The following ESPN variants were observed in gnomAD, a reference collection of about 807,000 sequenced individuals.
ESPN encodes autosomal recessive deafness type 36 protein.
ESPN carries 68 observed loss-of-function variants against 77.7 expected under a neutral mutation model. That is an observed-to-expected ratio of 0.87 (90% CI 0.72 to 1.07). ESPN has a LOEUF of 1.07. ESPN is among the 50% of genes least tolerant of loss of function. The pLI, the probability that ESPN is intolerant of heterozygous loss-of-function variation, is 0.00. For missense variants in ESPN, 1,060 were observed against 1,239.0 expected (o/e 0.86, Z 2.17); for synonymous variants, 449 against 567.1 (o/e 0.79, Z 2.96).
chr1:6,452,604 G>C (rs1344896987), intron 10 of ESPN, among the ~76,000 whole-genome samples: 2 of 152,166 alleles, frequency 1.3e-5, no homozygotes, highest in East Asian at 3.9e-4. Flanking sequence ...TGGTTAAAAG[G>C]CCTGTTCGGA....
chr1:6,454,830 CA>C, intron 10 of ESPN: 1 of 396,202 alleles, frequency 2.5e-6, no homozygotes, highest in Non-Finnish European at 4.5e-6. Flanking sequence ...TGACACGGGC[CA>C]GCCGCTGGCG....
At chr1:6,453,488 C>G (rs1057040326) in intron 10 of ESPN, among the ~76,000 whole-genome samples, 1 of 152,132 alleles carries the variant, frequency 6.6e-6, no homozygotes, top group East Asian at 1.9e-4. Flanking sequence ...ACTTGGAAGA[C>G]GAGTGAGGGG....
rs1238535812 is a variant in ESPN at position 6,451,854 on chromosome 1, G to C, written c.2083G>C (p.Val695Leu). ...GCAGCCCGATTCGCCGCTGCCTTCT[G>C]TGTCACCTGCACTGTCACCAGTCCG... ...AFQPDSPLPS[V>L]SPALSPVRSP... The change falls in exon 10 of 13, where the codon GTG becomes CTG. Residue 695 changes from valine to leucine, a missense_variant. Val to Leu is a conservative substitution (Grantham distance 32, BLOSUM62 1). Around this residue, in one of 3 missense-constraint regions of ESPN, gnomAD observed 374 missense variants for 381.4 expected, o/e 0.98. Transcript: ENST00000645284. The surrounding 1 kb of genome is among the most constrained non-coding windows in gnomAD (Gnocchi z 4.3). 3 of 1,611,734 alleles carry C rather than the reference G, an allele frequency of 1.9e-6. No homozygotes were observed. The highest frequency in any genetic ancestry group is 2.5e-6 in the Non-Finnish European group (3 of 1,179,362).
At chr1:6,429,603 CT>C (rs1461931195) in intron 2 of ESPN, among the ~76,000 whole-genome samples, 6 of 152,224 alleles carry the variant, frequency 3.9e-5, no homozygotes, top group Non-Finnish European at 7.3e-5. Flanking sequence ...GCAGGTGCCC[CT>C]GATGGCGGGA....
intron 10 of ESPN, chr1:6,456,053 C>T (rs751010685): frequency 5.0e-6 from 2 of 396,744 alleles, no homozygotes; most frequent in African/African-American, 4.1e-5. Flanking sequence ...CGACCTCAGA[C>T]TCTCCTGGTT....
rs1175435053 is a variant in ESPN, at chr1:6,450,483, G to A, written c.1916-1120G>A. ...AGGCACAGGAAGAGTGAGTAGCTGC[G>A]TGCGCGGCTCCTGGCTGAGGCTGAG... On this transcript the variant is annotated intron_variant, in intron 8 of 12. Coordinates refer to ENST00000645284, the MANE Select transcript of ESPN (RefSeq NM_031475.3). This position sits in a 1 kb window ranked among gnomAD's most constrained non-coding sequence, Gnocchi z 4.3. 3.7e-5 allele frequency: 36 copies of A among 976,104 alleles called. No individual in the cohort carries two copies. Among genetic ancestry groups the A allele is most frequent in the Non-Finnish European group, 4.3e-5 (35 of 821,034 alleles). The allele number at this position is 976,104 out of a possible 1,614,324, so 60.5% of individuals were successfully genotyped here.
At chr1:6,448,258 C>T (rs1231951172) in intron 7 of ESPN, 3 of 168,898 alleles carry the variant, frequency 1.8e-5, no homozygotes, top group Non-Finnish European at 3.8e-5. Flanking sequence ...CGCAGTCCTT[C>T]TGACAGCCGA....
At chr1:6,443,193 A>G (rs1253813902) in intron 5 of ESPN, 1 of 150,616 alleles carries the variant, frequency 6.6e-6, no homozygotes, top group Non-Finnish European at 1.5e-5. Context: ...AAAAAAGTTG[A>G]CAATATGGCA....
intron 10 of ESPN, among the ~76,000 whole-genome samples, chr1:6,452,750 T>G (rs1267621721): frequency 1.3e-5 from 2 of 152,210 alleles, no homozygotes; most frequent in African/African-American, 2.4e-5. Flanking sequence ...TGGGCTCCAT[T>G]GCTGTGCTGC....
rs577582594 is a variant in ESPN, at chr1:6,450,646, C to T, written c.1916-957C>T. On this transcript the variant is annotated intron_variant, in intron 8 of 12. Coordinates refer to ENST00000645284, the MANE Select transcript of ESPN (RefSeq NM_031475.3). The surrounding 1 kb of genome is among the most constrained non-coding windows in gnomAD (Gnocchi z 4.3). ...TTGCACCTCATACCTACCCTCATAC[C>T]CACATATGCACCCAAGCATTCTGCA... Among the ~76,000 whole-genome samples, 4 of 152,224 alleles carry T rather than the reference C, an allele frequency of 2.6e-5. No individual in the cohort carries two copies. The South Asian group carries it at 8.3e-4, about 32-fold the overall frequency.
chr1:6,445,856 T>G lies in ESPN; in HGVS notation c.1385T>G (p.Val462Gly). The G allele has an allele frequency of 6.2e-7, 1 of 1,604,018 alleles. No individual in the cohort carries two copies. The highest frequency in any genetic ancestry group is 8.5e-7 in the Non-Finnish European group (1 of 1,176,938). ...PPGYPAPKPP[V>G]GPQAADIYMQ... ...GGCTACCCAGCTCCCAAGCCTCCTG[T>G]AGGACCACAGGCAGCTGACATCTAC... is the stretch of plus-strand genomic sequence containing the variant. Residue 462 changes from valine to glycine, a missense_variant, in exon 7 of 13, where the codon GTA becomes GGA. Around this residue, in one of 3 missense-constraint regions of ESPN, gnomAD observed 130 missense variants for 223.9 expected, o/e 0.58. Transcript: ENST00000645284.
intron 10 of ESPN, 69 bp downstream of exon 10, chr1:6,452,165 A>AC: frequency 7.0e-7 from 1 of 1,434,380 alleles, no homozygotes; most frequent in East Asian, 2.5e-5. Flanking sequence ...CCCCCACGCC[A>AC]CCCCCAACCC....
intron 6 of ESPN, among the ~76,000 whole-genome samples, 199 bp downstream of exon 6, chr1:6,444,881 A>T (rs1166018772): frequency 1.3e-5 from 2 of 152,216 alleles, no homozygotes; most frequent in East Asian, 3.8e-4. Flanking sequence ...TATCACAAAC[A>T]TACATGTACA....
At chr1:6,439,358 G>C (rs189165710) in intron 2 of ESPN, among the ~76,000 whole-genome samples, 9 of 152,358 alleles carry the variant, frequency 5.9e-5, no homozygotes, top group African/African-American at 2.2e-4. Flanking sequence ...CAGAAATTCA[G>C]ATTGAATTGT....
chr1:6,433,251 C>T (rs1488854112), intron 2 of ESPN, among the ~76,000 whole-genome samples: 1 of 151,998 alleles, frequency 6.6e-6, no homozygotes, highest in Non-Finnish European at 1.5e-5. Context: ...GAGGCCAGCC[C>T]GGCCGATACG....
Position 6,437,262 on chromosome 1 carries a change from A to T in ESPN, c.489-2992A>T, listed in dbSNP as rs1456691735. 1 of 152,030 alleles carries T rather than the reference A, an allele frequency of 6.6e-6. No homozygotes were observed. The highest frequency in any genetic ancestry group is 2.4e-5 in the African/African-American group (1 of 41,372). The allele number at this position is 152,030 out of a possible 1,614,324, so 9.4% of individuals were successfully genotyped here. On this transcript the variant is annotated intron_variant, in intron 2 of 12. Coordinates refer to ENST00000645284, the MANE Select transcript of ESPN (RefSeq NM_031475.3). This position sits in a 1 kb window ranked among gnomAD's most constrained non-coding sequence, Gnocchi z 4.5. ...TCAGACCTTCTCCGGCTGGCTGGGC[A>T]CCCCTGGGTCATGGATCTCTGCCAA...
chr1:6,441,014 C>T lies in ESPN; in HGVS notation c.939C>T (p.Asp313=), dbSNP rs1187841805. The T allele has an allele frequency of 6.2e-7, 1 of 1,610,728 alleles. No homozygotes were observed. The highest frequency in any genetic ancestry group is 8.5e-7 in the Non-Finnish European group (1 of 1,179,418). The part of the protein sequence containing the change: ...RDGYTAADLS[D]FNGHSHCTRY... ...GGTACACGGCCGCCGACCTGTCGGA[C>T]TTCAACGGCCACAGCCACTGCACCC... The change falls in exon 5 of 13, where the codon GAC becomes GAT. Residue 313 remains aspartate (D), a synonymous_variant. Transcript: ENST00000645284.
chr1:6,459,869 CCAGCCCT>C, intron 12 of ESPN, 123 bp from the exon 13 acceptor site: 1 of 1,139,750 alleles, frequency 8.8e-7, no homozygotes, highest in South Asian at 1.4e-5. Flanking sequence ...CAACCGAGCC[CCAGCCCT>C]CAGTAACCCA....
rs3817910 is a variant in ESPN at position 6,441,043 on chromosome 1, A to T, written c.968A>T (p.Tyr323Phe). 2.5e-6 allele frequency: 4 copies of T among 1,611,500 alleles called. No individual in the cohort carries two copies. Among genetic ancestry groups the T allele is most frequent in the Non-Finnish European group, 2.5e-6 (3 of 1,179,604 alleles). The change falls in exon 5 of 13, where the codon TAC becomes TTC. Residue 323 changes from tyrosine to phenylalanine, a missense_variant. Tyr to Phe is a conservative substitution (Grantham distance 22). This residue lies in a region of ESPN where 556 missense variants were observed against 633.6 expected (regional missense o/e 0.88). Transcript: ENST00000645284. ...DFNGHSHCTR[Y>F]LRTVENLSVE... ...AACGGCCACAGCCACTGCACCCGCT[A>T]CCTGCGCACGGTGGAGAACCTGGTA... is the stretch of plus-strand genomic sequence containing the variant.
Sources: gnomAD v4.1 joint callset for allele counts (sites outside exome capture counted in the v4.1 genomes callset) on GRCh38, gnomAD v4.1.1 for gene constraint, gnomAD v4.1.1 regional missense constraint, Gnocchi (gnomAD v3.1) non-coding constraint, MANE v1.5 for transcripts, NCBI Gene and HGNC (gene_info 2026-07-23, HGNC 2026-07-21) for gene names.